LIN54: variants seen among roughly 807,000 people sequenced by gnomAD.
LIN54 encodes the protein protein lin-54 homolog.
A neutral mutation model predicts 78.7 loss-of-function variants in LIN54; 9 were observed. The observed-to-expected ratio is 0.11, with a 90% confidence interval of 0.07 to 0.20. LIN54 has a LOEUF of 0.20. LIN54 is among the 10% of genes least tolerant of loss of function. LIN54 has a pLI of 1.00. For missense variants in LIN54, 573 were observed against 889.9 expected (o/e 0.64, Z 4.53); for synonymous variants, 269 against 318.4 (o/e 0.84, Z 1.65).
At chr4:83,000,396 A>C (rs1728655932) in intron 1 of LIN54, among the ~76,000 whole-genome samples, 1 of 152,182 alleles carries the variant, frequency 6.6e-6, no homozygotes, top group Non-Finnish European at 1.5e-5. Context: ...TGAGCCTTGA[A>C]GGGAAAGGAT....
chr4:82,945,058 C>T (rs376726163), intron 5 of LIN54, among the ~76,000 whole-genome samples: 2 of 152,076 alleles, frequency 1.3e-5, no homozygotes, highest in African/African-American at 4.8e-5. Context: ...GACGGGGTTT[C>T]GCCATGTTGG....
intron 1 of LIN54, among the ~76,000 whole-genome samples, chr4:83,005,718 T>C (rs1250972256): frequency 1.3e-5 from 2 of 152,154 alleles, no homozygotes; most frequent in Non-Finnish European, 2.9e-5. Context: ...AGTTCAGCTG[T>C]AGAAAGCATC....
chr4:82,946,209 T>C (rs752036199), intron 5 of LIN54, 49 bp downstream of exon 5: 1 of 1,449,698 alleles, frequency 6.9e-7, no homozygotes, highest in South Asian at 1.1e-5. Context: ...AAATGTTCTT[T>C]AATCATGTTA....
At position 82,974,165 on chromosome 4, in the gene LIN54, G is replaced by C. The variant is rs560718041; in HGVS notation, c.809-3696C>G. ...GCGGAGCTTGCAGTGAGCCGAGATC[G>C]CACCACTGCACTCCAGCCTGGGTGA... On this transcript the variant is annotated intron_variant, in intron 3 of 12. Transcript: ENST00000340417. 7.0e-3 allele frequency among the ~76,000 whole-genome samples: 1,057 copies of C among 151,396 alleles called. 20 individuals carry two copies. The highest frequency in any genetic ancestry group is 0.024 in the African/African-American group (1,000 of 41,254).
chr4:82,980,903 G>GA (rs1489768899), intron 2 of LIN54, among the ~76,000 whole-genome samples: 1 of 151,870 alleles, frequency 6.6e-6, no homozygotes, highest in East Asian at 1.9e-4. Context: ...TTATCAGTAA[G>GA]AAAAAAATAT....
At chr4:82,983,157 G>A (rs549505791) in intron 2 of LIN54, among the ~76,000 whole-genome samples, 65 of 151,970 alleles carry the variant, frequency 4.3e-4, no homozygotes, top group Non-Finnish European at 7.2e-4. Flanking sequence ...ATAGGCACTC[G>A]CCACCATGCC....
chr4:82,946,853 T>C (rs1050353668), intron 4 of LIN54, among the ~76,000 whole-genome samples: 1 of 152,142 alleles, frequency 6.6e-6, no homozygotes, highest in Admixed American at 6.5e-5. Context: ...AAAGATGATA[T>C]AGATGGTTGG....
intron 3 of LIN54, among the ~76,000 whole-genome samples, chr4:82,973,351 T>G (rs1258876814): frequency 6.6e-6 from 1 of 152,220 alleles, no homozygotes; most frequent in Non-Finnish European, 1.5e-5. Context: ...TGATATCCTT[T>G]GAAATTCAAG....
intron 1 of LIN54, among the ~76,000 whole-genome samples, chr4:83,003,724 C>A (rs2126112182): frequency 6.6e-6 from 1 of 152,240 alleles, no homozygotes; most frequent in East Asian, 1.9e-4. Flanking sequence ...CGGGGTCTCG[C>A]CATGTTGCCC....
At chr4:82,988,109 A>G (rs974820490) in intron 1 of LIN54, among the ~76,000 whole-genome samples, 16 of 152,110 alleles carry the variant, frequency 1.1e-4, no homozygotes, top group Non-Finnish European at 2.1e-4. Context: ...TGTGATTTTC[A>G]TTTACATTTC....
At chr4:82,995,486 TCTC>T (rs1179896691) in intron 1 of LIN54, among the ~76,000 whole-genome samples, 1,669 of 89,538 alleles carry the variant, frequency 0.019, 18 homozygotes, top group African/African-American at 0.066. Context: ...CACATCCTTA[TCTC>T]TTTTTTTTTT....
intron 4 of LIN54, among the ~76,000 whole-genome samples, chr4:82,949,854 T>TTC (rs1723717654): frequency 6.7e-6 from 1 of 149,164 alleles, no homozygotes; most frequent in African/African-American, 2.4e-5. Flanking sequence ...GCTTTTTTTT[T>TTC]TTTTTTTTCC....
chr4:82,966,095 A>G (rs1186481173), intron 4 of LIN54, among the ~76,000 whole-genome samples: 5 of 151,964 alleles, frequency 3.3e-5, no homozygotes, highest in Admixed American at 2.0e-4. Flanking sequence ...TTAGTATTTT[A>G]TGGTTCAGTC....
intron 5 of LIN54, 125 bp downstream of exon 5, chr4:82,946,133 C>T (rs1353222735): frequency 3.9e-6 from 3 of 765,130 alleles, no homozygotes; most frequent in Admixed American, 2.0e-5. Flanking sequence ...CTGCCTTCTG[C>T]ACCAGTTACT....
intron 4 of LIN54, among the ~76,000 whole-genome samples, chr4:82,968,834 A>G (rs1360965381): frequency 6.6e-6 from 1 of 152,156 alleles, no homozygotes; most frequent in Non-Finnish European, 1.5e-5. Context: ...TGCAAATTTC[A>G]TATTATTTAT....
chr4:83,006,342 G>T (rs534598648), intron 1 of LIN54, among the ~76,000 whole-genome samples: 1 of 151,924 alleles, frequency 6.6e-6, no homozygotes, highest in Admixed American at 6.6e-5. Context: ...CCAGCTACTC[G>T]GGAGGCTGAG....
At chr4:83,007,743 A>T (rs1578677878) in intron 1 of LIN54, among the ~76,000 whole-genome samples, 1 of 151,834 alleles carries the variant, frequency 6.6e-6, no homozygotes, top group Admixed American at 6.6e-5. Context: ...CAAAAAATTA[A>T]CCGAGCGTGG....
intron 4 of LIN54, among the ~76,000 whole-genome samples, chr4:82,947,986 C>T (rs183704504): frequency 8.6e-5 from 13 of 152,032 alleles, no homozygotes; most frequent in East Asian, 5.8e-4. Context: ...ACATTACTTC[C>T]GCATAAAATA....
Position 82,965,142 on chromosome 4 carries a change from A to C in LIN54, c.951+5185T>G, listed in dbSNP as rs542194681. Among the ~76,000 whole-genome samples, 6 of 152,330 alleles carry C rather than the reference A, an allele frequency of 3.9e-5. No homozygotes were observed. The South Asian group carries it at 1.2e-3, about 32-fold the overall frequency. On this transcript the variant is annotated intron_variant, in intron 4 of 12. Coordinates refer to ENST00000340417, the MANE Select transcript of LIN54 (RefSeq NM_194282.4). ...CTAAGAGTCTAAGAATAAGATTACA[A>C]AAGTCACATTAAAGTAAAAGATAAC...
Sources: gnomAD v4.1 joint callset for allele counts (sites outside exome capture counted in the v4.1 genomes callset) on GRCh38, gnomAD v4.1.1 for gene constraint, MANE v1.5 for transcripts, NCBI Gene and HGNC (gene_info 2026-07-23, HGNC 2026-07-21) for gene names.